The following CDH23 variants were observed in gnomAD, a reference collection of about 807,000 sequenced individuals.
CDH23 encodes the protein cadherin-23.
Under a neutral mutation model 317.1 loss-of-function variants are expected in CDH23, and 189 were observed. The ratio of observed to expected loss-of-function variants is 0.60; its 90% CI spans 0.53 to 0.67. CDH23 has a LOEUF of 0.67. Among genes scored for constraint, CDH23 ranks in the 30% least tolerant of loss-of-function variants. CDH23 has a pLI of 0.00. For missense variants in CDH23, 4,401 were observed against 4,592.4 expected (o/e 0.96, Z 1.20); for synonymous variants, 1,839 against 1,876.8 (o/e 0.98, Z 0.52).
chr10:71,667,359 A>AGAGAGTGT (rs58361666), intron 14 of CDH23, among the ~76,000 whole-genome samples: 5 of 112,078 alleles, frequency 4.5e-5, no homozygotes, highest in African/African-American at 1.2e-4. Context: ...AGAGAGAGAG[A>AGAGAGTGT]GTGTGTGTGT....
At chr10:71,427,713 CTTTT>C (rs1287974246) in intron 1 of CDH23, among the ~76,000 whole-genome samples, 1 of 133,762 alleles carries the variant, frequency 7.5e-6, no homozygotes, top group African/African-American at 2.7e-5. Flanking sequence ...TCTATGCTTA[CTTTT>C]TTTTTTTTTT....
intron 61 of CDH23, 114 bp from the exon 62 acceptor site, chr10:71,810,358 G>C: frequency 1.0e-6 from 1 of 982,270 alleles, no homozygotes; most frequent in Non-Finnish European, 1.6e-6. Flanking sequence ...CAAACATTCA[G>C]TAGTGAAGGG....
chr10:71,724,585 A>G (rs1866723489), intron 29 of CDH23, among the ~76,000 whole-genome samples: 1 of 152,162 alleles, frequency 6.6e-6, no homozygotes. Flanking sequence ...TACAGGCGTG[A>G]GCCACCGTGC....
intron 41 of CDH23, among the ~76,000 whole-genome samples, chr10:71,781,696 G>A (rs1840959565): frequency 6.6e-6 from 1 of 152,196 alleles, no homozygotes; most frequent in Non-Finnish European, 1.5e-5. Context: ...CAGACTAACA[G>A]GCAGGCTCTC....
At chr10:71,402,423 A>G (rs1232350051) in intron 1 of CDH23, among the ~76,000 whole-genome samples, 1 of 152,210 alleles carries the variant, frequency 6.6e-6, no homozygotes, top group South Asian at 2.1e-4. Flanking sequence ...CAGTTCTTCC[A>G]CTAGAGCTCT....
intron 31 of CDH23, among the ~76,000 whole-genome samples, chr10:71,731,176 G>A (rs144555340): frequency 4.6e-5 from 7 of 152,298 alleles, no homozygotes; most frequent in Admixed American, 6.5e-5. Context: ...GTGGCCCTCC[G>A]TGCGGCCTGG....
At chr10:71,762,021 C>T (rs770336023) in intron 38 of CDH23, 1 of 1,598,364 alleles carries the variant, frequency 6.3e-7, no homozygotes, top group Admixed American at 1.7e-5. Context: ...AAGGCTGCCA[C>T]CGGACCTGCT....
chr10:71,763,019 G>A (rs951480115), intron 38 of CDH23, among the ~76,000 whole-genome samples: 1 of 152,168 alleles, frequency 6.6e-6, no homozygotes, highest in African/African-American at 2.4e-5. Flanking sequence ...ATGAGCCTCA[G>A]TTTCCTCCTC....
chr10:71,695,827 C>G (rs976222926), intron 22 of CDH23, among the ~76,000 whole-genome samples: 1 of 152,182 alleles, frequency 6.6e-6, no homozygotes, highest in Non-Finnish European at 1.5e-5. Flanking sequence ...GCCACACGTG[C>G]CCTTAGAGCC....
chr10:71,571,943 TG>T (rs1435208788), intron 8 of CDH23, among the ~76,000 whole-genome samples: 1 of 152,242 alleles, frequency 6.6e-6, no homozygotes, highest in Non-Finnish European at 1.5e-5. Context: ...GCTGTGCTCC[TG>T]GGCCTGACCC....
intron 46 of CDH23, 199 bp downstream of exon 46, chr10:71,790,612 G>T (rs1841223503): frequency 1.5e-6 from 1 of 667,860 alleles, no homozygotes; most frequent in African/African-American, 1.8e-5. Context: ...AAGAGGCTTG[G>T]AGACGATACA....
In CDH23 at chr10:71,751,614, C is replaced by T; in HGVS notation, c.4845+9693C>T. 6.7e-7 allele frequency: 1 copy of T among 1,494,060 alleles called. No individual in the cohort carries two copies. Among genetic ancestry groups the T allele is most frequent in the Non-Finnish European group, 8.9e-7 (1 of 1,118,092 alleles). 92.6% of individuals were successfully genotyped at this position (1,494,060 alleles called of 1,614,324 possible). On this transcript the variant is annotated intron_variant, in intron 38 of 69. Transcript: ENST00000224721. The surrounding 1 kb of genome is among the most constrained non-coding windows in gnomAD (Gnocchi z 4.9). The stretch of plus-strand genomic sequence containing the variant: ...GGAGTGAGGCCGATGCCCTGCAGGC[C>T]ATGAGGTCATGACCTTACAGGTCAT...
At position 71,682,426 on chromosome 10, in the gene CDH23, C is replaced by G. The variant is rs945462391; in HGVS notation, c.1859-19C>G. On this transcript the variant is annotated intron_variant, in intron 17 of 69. Transcript: ENST00000224721. ...CAAGTCTGCTTACAGAGGGATCTGG[C>G]CTGTTCCTGTCATTGCAGTGATCAG... 2.5e-6 allele frequency: 4 copies of G among 1,609,988 alleles called. No individual in the cohort carries two copies. Among genetic ancestry groups the G allele is most frequent in the Non-Finnish European group, 3.4e-6 (4 of 1,178,032 alleles).
chr10:71,467,439 ATGC>A, intron 3 of CDH23, among the ~76,000 whole-genome samples: 1 of 152,162 alleles, frequency 6.6e-6, no homozygotes, highest in African/African-American at 2.4e-5. Context: ...GGCGATGGTG[ATGC>A]TGCTGGTCTG....
At chr10:71,422,776 T>C (rs957841699) in intron 1 of CDH23, among the ~76,000 whole-genome samples, 2 of 152,176 alleles carry the variant, frequency 1.3e-5, no homozygotes, top group African/African-American at 4.8e-5. Flanking sequence ...TCCATGTGCT[T>C]GATCTGCCAT....
intron 1 of CDH23, among the ~76,000 whole-genome samples, chr10:71,402,552 C>T (rs945734470): frequency 1.3e-5 from 2 of 152,168 alleles, no homozygotes; most frequent in African/African-American, 4.8e-5. Context: ...TGTGTAGTAC[C>T]TGGCGCACAG....
chr10:71,595,452 A>G (rs988446046), intron 9 of CDH23, among the ~76,000 whole-genome samples: 8 of 152,046 alleles, frequency 5.3e-5, no homozygotes, highest in African/African-American at 1.7e-4. Context: ...TCTATTTCCA[A>G]TGCGGAGGTT....
chr10:71,520,584 C>T (rs1026890151), intron 6 of CDH23, among the ~76,000 whole-genome samples: 1 of 152,230 alleles, frequency 6.6e-6, no homozygotes, highest in Non-Finnish European at 1.5e-5. Context: ...CACTGCTTTC[C>T]CAGGTAAGGC....
intron 14 of CDH23, among the ~76,000 whole-genome samples, chr10:71,664,000 C>CAA (rs772733185): frequency 2.2e-5 from 2 of 90,468 alleles, no homozygotes; most frequent in Admixed American, 1.2e-4. Context: ...GACTCTGTCT[C>CAA]AAAAAAAAAA....
Sources: allele counts gnomAD v4.1 joint callset (sites outside exome capture counted in the v4.1 genomes callset), GRCh38; gene constraint gnomAD v4.1.1; non-coding constraint Gnocchi (gnomAD v3.1); transcripts MANE v1.5; gene names NCBI Gene and HGNC (gene_info 2026-07-23, HGNC 2026-07-21).